IL1RAPL1: variants seen among roughly 807,000 people sequenced by gnomAD.
IL1RAPL1 encodes the protein interleukin-1 receptor accessory protein-like 1.
A neutral mutation model predicts 48.4 loss-of-function variants in IL1RAPL1; 3 were observed. That is an observed-to-expected ratio of 0.06 (90% CI 0.03 to 0.16). The LOEUF (loss-of-function observed/expected upper bound fraction) is 0.16, where lower values mean the gene tolerates loss of function less well. Among genes scored for constraint, IL1RAPL1 ranks in the 10% least tolerant of loss-of-function variants. The pLI is 1.00. For missense variants in IL1RAPL1, 349 were observed against 530.6 expected, an observed-to-expected ratio of 0.66 and a Z score of 3.36; for synonymous variants, 185 against 187.7, an observed-to-expected ratio of 0.99 and a Z score of 0.12.
intron 3 of IL1RAPL1, among the ~76,000 whole-genome samples, chrX:29,376,131 C>A (rs912400968): frequency 9.0e-6 from 1 of 110,806 alleles, no homozygotes; most frequent in African/African-American, 3.3e-5. Context: ...TCTTTTATTT[C>A]CTAGTTCATT....
At chrX:29,060,865 T>C (rs1395743957) in intron 2 of IL1RAPL1, among the ~76,000 whole-genome samples, 2 of 112,194 alleles carry the variant, frequency 1.8e-5, no homozygotes, top group Admixed American at 9.5e-5. Context: ...ATTTTGATAG[T>C]AGTTATTTAT....
At chrX:28,618,528 T>C (rs1934247508) in intron 1 of IL1RAPL1, among the ~76,000 whole-genome samples, 2 of 111,553 alleles carry the variant, frequency 1.8e-5, no homozygotes, top group African/African-American at 3.3e-5. Context: ...ATAACCATTA[T>C]GTATTGCTCT....
chrX:28,600,110 A>C (rs1261696108), intron 1 of IL1RAPL1, among the ~76,000 whole-genome samples: 3 of 111,751 alleles, frequency 2.7e-5, no homozygotes, highest in African/African-American at 9.8e-5. Context: ...AATGAAAGTT[A>C]TTTGGAGTCT....
chrX:28,699,723 T>C (rs919177485), intron 1 of IL1RAPL1, among the ~76,000 whole-genome samples: 16 of 111,997 alleles, frequency 1.4e-4, no homozygotes, highest in African/African-American at 5.2e-4. Context: ...CTGACAGCTG[T>C]CTACTGTTAA....
chrX:29,497,559 T>G (rs762533808), intron 5 of IL1RAPL1, among the ~76,000 whole-genome samples: 1 of 111,459 alleles, frequency 9.0e-6, no homozygotes, highest in East Asian at 2.8e-4. Context: ...TTTTCTAACA[T>G]TCATGTAGCT....
chrX:29,168,475 A>G (rs1406374015), intron 2 of IL1RAPL1, among the ~76,000 whole-genome samples: 1 of 100,821 alleles, frequency 9.9e-6, no homozygotes, highest in Non-Finnish European at 2.0e-5. Context: ...TATTTCATTT[A>G]ACATAATATC....
intron 2 of IL1RAPL1, among the ~76,000 whole-genome samples, chrX:28,950,686 A>G (rs1297107133): frequency 9.2e-6 from 1 of 108,915 alleles, no homozygotes; most frequent in East Asian, 3.0e-4. Context: ...ACTGTAAACT[A>G]GTTCAACCAT....
chrX:29,716,974 C>A (rs977298053), intron 6 of IL1RAPL1, among the ~76,000 whole-genome samples: 2 of 110,468 alleles, frequency 1.8e-5, no homozygotes, highest in Non-Finnish European at 3.8e-5. Flanking sequence ...CAATATTTTC[C>A]ATTAATTCTG....
chrX:29,442,029 C>A (rs1453294204), intron 5 of IL1RAPL1, among the ~76,000 whole-genome samples: 1 of 111,644 alleles, frequency 9.0e-6, no homozygotes, highest in African/African-American at 3.3e-5. Flanking sequence ...CTGGTTTGTA[C>A]AGTGTAATGT....
chrX:29,192,986 A>G (rs755232178), intron 2 of IL1RAPL1, among the ~76,000 whole-genome samples: 12 of 111,131 alleles, frequency 1.1e-4, no homozygotes, highest in Admixed American at 7.7e-4. Context: ...TAGCCAAAGA[A>G]TAGTATTATT....
chrX:29,507,360 T>TTCCC (rs1935343641), intron 5 of IL1RAPL1, among the ~76,000 whole-genome samples: 1 of 2,867 alleles, frequency 3.5e-4, no homozygotes, highest in African/African-American at 1.4e-3. Flanking sequence ...TCCCTCCCCT[T>TTCCC]CTCTCCCCTC....
At chrX:28,780,333 A>G (rs12852412) in intron 1 of IL1RAPL1, among the ~76,000 whole-genome samples, 43,850 of 96,213 alleles carry the variant, frequency 0.46, 7,679 homozygotes, top group Middle Eastern at 0.6. Flanking sequence ...GTGTGTGTGT[A>G]TGTGTGTGTG....
chrX:28,800,310 G>T (rs1056424938), intron 2 of IL1RAPL1, among the ~76,000 whole-genome samples: 1 of 112,131 alleles, frequency 8.9e-6, no homozygotes, highest in Non-Finnish European at 1.9e-5. Context: ...CATCCACAAA[G>T]ATTCTTTATC....
chrX:29,566,009 C>T (rs867132468), intron 5 of IL1RAPL1, among the ~76,000 whole-genome samples: 11 of 108,969 alleles, frequency 1.0e-4, no homozygotes, highest in African/African-American at 2.0e-4. Flanking sequence ...AGTGCAGCGT[C>T]GCGATTTCGG....
chrX:28,614,334 T>C (rs1001913382), intron 1 of IL1RAPL1, among the ~76,000 whole-genome samples: 2 of 111,653 alleles, frequency 1.8e-5, no homozygotes, highest in Non-Finnish European at 3.8e-5. Flanking sequence ...AATAGTTTTT[T>C]TTTTCCTGGA....
At chrX:29,191,512 C>G (rs1930352176) in intron 2 of IL1RAPL1, among the ~76,000 whole-genome samples, 1 of 111,881 alleles carries the variant, frequency 8.9e-6, no homozygotes, top group South Asian at 3.8e-4. Context: ...TCTGGCCCAG[C>G]AGCAAGCTAA....
chrX:29,688,754 C>CTCTCTCTCTCTCTG (rs58405949), intron 6 of IL1RAPL1, among the ~76,000 whole-genome samples: 15 of 103,897 alleles, frequency 1.4e-4, no homozygotes, highest in Middle Eastern at 4.9e-3. Context: ...CTCTCTCTCT[C>CTCTCTCTCTCTCTG]TGTGTGTGTC....
intron 6 of IL1RAPL1, among the ~76,000 whole-genome samples, chrX:29,810,720 C>A (rs1050085271): frequency 3.6e-5 from 4 of 111,348 alleles, no homozygotes; most frequent in African/African-American, 1.3e-4. Context: ...TTTGTTCCTG[C>A]ATTGTGGACC....
intron 2 of IL1RAPL1, among the ~76,000 whole-genome samples, chrX:29,024,647 T>C (rs778245639): frequency 1.4e-4 from 16 of 111,997 alleles, no homozygotes; most frequent in Non-Finnish European, 2.4e-4. Flanking sequence ...AAAGAAGCAA[T>C]GTCTTTGGCT....
Sources: gnomAD v4.1 joint callset for allele counts (sites outside exome capture counted in the v4.1 genomes callset) on GRCh38, gnomAD v4.1.1 for gene constraint, MANE v1.5 for transcripts, NCBI Gene and HGNC (gene_info 2026-07-23, HGNC 2026-07-21) for gene names.